The following SORCS1 variants were observed in gnomAD, a reference collection of about 807,000 sequenced individuals.
SORCS1 encodes the protein sortilin related VPS10 domain containing receptor 1, also known as VPS10 domain-containing receptor SorCS1.
Under a neutral mutation model 146.1 loss-of-function variants are expected in SORCS1, and 60 were observed. The ratio of observed to expected loss-of-function variants is 0.41; its 90% CI spans 0.33 to 0.51. SORCS1 has a LOEUF of 0.51. SORCS1 is among the 20% of genes least tolerant of loss of function. The pLI is 0.21. For missense variants in SORCS1, 1,352 were observed against 1,487.6 expected (o/e 0.91, Z 1.50); for synonymous variants, 637 against 584.0 (o/e 1.09, Z -1.31).
intron 2 of SORCS1, among the ~76,000 whole-genome samples, chr10:106,845,017 T>C (rs1415299489): frequency 7.5e-6 from 1 of 132,902 alleles, no homozygotes; most frequent in African/African-American, 2.7e-5. Flanking sequence ...GTCTTTGCTA[T>C]TGTGAATAAT....
At chr10:106,748,931 T>C (rs1279518350) in intron 5 of SORCS1, among the ~76,000 whole-genome samples, 1 of 152,210 alleles carries the variant, frequency 6.6e-6, no homozygotes, top group Admixed American at 6.5e-5. Flanking sequence ...TAAATATACA[T>C]AATGTGGCAT....
At chr10:106,791,050 T>A (rs1771842547) in intron 3 of SORCS1, among the ~76,000 whole-genome samples, 1 of 152,210 alleles carries the variant, frequency 6.6e-6, no homozygotes, top group Non-Finnish European at 1.5e-5. Context: ...TATGCATATA[T>A]AGATATACAC....
chr10:106,949,810 C>A (rs1954578515), intron 2 of SORCS1, among the ~76,000 whole-genome samples: 1 of 152,170 alleles, frequency 6.6e-6, no homozygotes, highest in Non-Finnish European at 1.5e-5. Flanking sequence ...CCATGTCAGG[C>A]AACCTCTAAG....
At chr10:106,718,440 AG>A (rs1022473695) in intron 6 of SORCS1, among the ~76,000 whole-genome samples, 9 of 152,320 alleles carry the variant, frequency 5.9e-5, no homozygotes, top group Admixed American at 4.6e-4. Flanking sequence ...TTATTCCTTC[AG>A]ATGTTCAGAT....
Position 106,633,592 on chromosome 10 carries a change from CTA to C in SORCS1, c.2476-4206_2476-4205del, listed in dbSNP as rs1848559554. ...TTTTAATTCAAAATGATCACTCTGG[CTA>C]TGATATGGAGATGAACTGGAAGTGT... On this transcript the variant is annotated intron_variant, in intron 18 of 25. Transcript: ENST00000263054. 3.3e-5 allele frequency among the ~76,000 whole-genome samples: 5 copies of C among 152,136 alleles called. No homozygotes were observed. In the South Asian group the frequency reaches 1.0e-3, roughly 32 times the overall value.
chr10:106,967,371 T>C (rs74152282), intron 1 of SORCS1, among the ~76,000 whole-genome samples: 6,750 of 151,658 alleles, frequency 0.045, 482 homozygotes, highest in African/African-American at 0.15. Context: ...ACCAGGAAAA[T>C]AAGGGAGATG....
chr10:106,757,828 G>A (rs1279184559), intron 5 of SORCS1, among the ~76,000 whole-genome samples: 2 of 152,200 alleles, frequency 1.3e-5, no homozygotes, highest in Non-Finnish European at 2.9e-5. Flanking sequence ...TGTGGTGACA[G>A]ACAGCCTTCA....
chr10:107,044,965 G>A (rs1959241023), intron 1 of SORCS1, among the ~76,000 whole-genome samples: 1 of 152,114 alleles, frequency 6.6e-6, no homozygotes, highest in African/African-American at 2.4e-5. Context: ...TAAGGCTTTA[G>A]GAATGCATAT....
intron 1 of SORCS1, among the ~76,000 whole-genome samples, chr10:107,108,285 T>C (rs1965438863): frequency 6.6e-6 from 1 of 152,150 alleles, no homozygotes; most frequent in African/African-American, 2.4e-5. Flanking sequence ...GGATAATTTA[T>C]AAAGAAAAGA....
At chr10:106,717,423 C>A (rs1420941583) in intron 6 of SORCS1, among the ~76,000 whole-genome samples, 1 of 152,212 alleles carries the variant, frequency 6.6e-6, no homozygotes, top group Non-Finnish European at 1.5e-5. Flanking sequence ...TCCAGAAAGT[C>A]TACACAGAGG....
At chr10:106,878,620 G>GTATATATATATATATATAGATATA (rs1950685139) in intron 2 of SORCS1, among the ~76,000 whole-genome samples, 1 of 84,950 alleles carries the variant, frequency 1.2e-5, no homozygotes, top group African/African-American at 4.6e-5. Flanking sequence ...AAACTACCTA[G>GTATATATATATATATATAGATATA]TATATATATA....
intron 5 of SORCS1, among the ~76,000 whole-genome samples, chr10:106,731,570 T>G (rs1564908237): frequency 1.3e-5 from 2 of 152,168 alleles, no homozygotes; most frequent in East Asian, 3.9e-4. Context: ...CTCTGTTAAA[T>G]ATGTCTCATT....
intron 19 of SORCS1, among the ~76,000 whole-genome samples, chr10:106,627,575 T>A (rs545470107): frequency 1.3e-5 from 2 of 152,330 alleles, no homozygotes; most frequent in African/African-American, 4.8e-5. Context: ...TTTCCCTACA[T>A]ACTAACATAT....
chr10:106,802,994 G>C (rs1000853781), intron 3 of SORCS1, among the ~76,000 whole-genome samples: 2 of 152,138 alleles, frequency 1.3e-5, no homozygotes, highest in East Asian at 3.9e-4. Context: ...ATGACAGAAA[G>C]GAAAGAACTA....
intron 1 of SORCS1, among the ~76,000 whole-genome samples, chr10:107,040,705 A>G (rs1959115021): frequency 6.6e-6 from 1 of 152,222 alleles, no homozygotes; most frequent in Non-Finnish European, 1.5e-5. Flanking sequence ...TAAGGATTAC[A>G]TAAGATGATG....
chr10:106,956,560 C>T lies in SORCS1; in HGVS notation c.579G>A (p.Lys193=). 6.2e-7 allele frequency: 1 copy of T among 1,614,106 alleles called. No individual in the cohort carries two copies. Among genetic ancestry groups the T allele is most frequent in the African/African-American group, 1.3e-5 (1 of 75,040 alleles). Residue 193 remains lysine (K), a synonymous_variant, in exon 2 of 26, where the codon AAG becomes AAA. Transcript: ENST00000263054. ...TGCTCCCCAGGTTATAGTCATAGAG[C>T]TTTGTCAAAATGAGAATCACCTGAA... ...HNSSVILILT[K]LYDYNLGSIT...
chr10:106,759,699 A>G (rs2136237924), intron 5 of SORCS1, among the ~76,000 whole-genome samples: 1 of 152,282 alleles, frequency 6.6e-6, no homozygotes, highest in East Asian at 1.9e-4. Context: ...TGAGGCAGTT[A>G]AAGAAAGGAA....
the SORCS1 span, among the ~76,000 whole-genome samples, chr10:107,180,554 T>C: frequency 5.3e-5 from 8 of 152,152 alleles, no homozygotes; most frequent in African/African-American, 1.9e-4. Flanking sequence ...GTTGTCAATT[T>C]TTTTATATTT....
intron 2 of SORCS1, among the ~76,000 whole-genome samples, chr10:106,916,571 T>TACAC (rs1204911187): frequency 2.3e-4 from 29 of 124,454 alleles, no homozygotes; most frequent in Admixed American, 1.2e-3. Flanking sequence ...TGTGTGCATA[T>TACAC]ATATACACAC....
Sources: gnomAD v4.1 joint callset for allele counts (sites outside exome capture counted in the v4.1 genomes callset) on GRCh38, gnomAD v4.1.1 for gene constraint, MANE v1.5 for transcripts, NCBI Gene and HGNC (gene_info 2026-07-23, HGNC 2026-07-21) for gene names.